DAP3: variants seen among roughly 807,000 people sequenced by gnomAD.
DAP3 encodes death associated protein 3, also known as small ribosomal subunit protein mS29.
DAP3 carries 28 observed loss-of-function variants against 51.9 expected under a neutral mutation model. The ratio of observed to expected loss-of-function variants is 0.54; its 90% CI spans 0.40 to 0.74. The LOEUF (loss-of-function observed/expected upper bound fraction) is 0.74, where lower values mean the gene tolerates loss of function less well. Ranked by LOEUF, DAP3 falls within the 30% of genes least tolerant of loss-of-function variation. DAP3 has a pLI of 0.00. For synonymous variants in DAP3, 170 were observed against 170.3 expected (o/e 1.00, Z 0.01); for missense variants, 458 against 483.5 (o/e 0.95, Z 0.49).
chr1:155,730,608 T>G (rs1436611828), intron 9 of DAP3, among the ~76,000 whole-genome samples: 4 of 151,560 alleles, frequency 2.6e-5, no homozygotes, highest in Admixed American at 6.6e-5. Context: ...AGAATGAGAC[T>G]CTGTCTCAAA....
chr1:155,722,196 A>C (rs1201594202), intron 4 of DAP3, among the ~76,000 whole-genome samples: 1 of 152,182 alleles, frequency 6.6e-6, no homozygotes, highest in Non-Finnish European at 1.5e-5. Context: ...ACTTGGGCCC[A>C]GGAGTTCGAG....
rs781718890 is a variant in DAP3 at position 155,731,335 on chromosome 1, C to T, written c.844-21C>T. The T allele has an allele frequency of 1.1e-5, 18 of 1,612,450 alleles. No individual in the cohort carries two copies. In the Admixed American group the frequency reaches 2.2e-4, roughly 19 times the overall value. On this transcript the variant is annotated intron_variant, in intron 9 of 12. Transcript: ENST00000368336. ...GGAAAGGCACGTGATGATCTCTTCT[C>T]TCTTTCTGTCCGATATGCAGATTGC...
At chr1:155,730,392 C>A (rs1659117132) in intron 9 of DAP3, among the ~76,000 whole-genome samples, 1 of 151,770 alleles carries the variant, frequency 6.6e-6, no homozygotes, top group Admixed American at 6.6e-5. Flanking sequence ...TTGCTTGAGT[C>A]CAGGAGTTTG....
At chr1:155,705,624 A>G (rs1655874956) in intron 1 of DAP3, among the ~76,000 whole-genome samples, 1 of 151,324 alleles carries the variant, frequency 6.6e-6, no homozygotes, top group South Asian at 2.1e-4. Context: ...GAAAGAAAAA[A>G]AAAACAGAAA....
Position 155,694,463 on chromosome 1 carries a change from G to C in DAP3, c.-8+5289G>C, listed in dbSNP as rs1052688182. ...CACCATGGTAATTACCGCAATCATA[G>C]CTACCATCAGGTTACTCGAGGTTAG... On this transcript the variant is annotated intron_variant, in intron 1 of 12. Coordinates refer to ENST00000368336, the MANE Select transcript of DAP3 (RefSeq NM_004632.4). 7.1e-5 allele frequency among the ~76,000 whole-genome samples: 10 copies of C among 141,670 alleles called. 2 individuals are homozygous for C. The highest frequency in any genetic ancestry group is 3.2e-4 in the African/African-American group (10 of 31,174). 92.9% of individuals were successfully genotyped at this position (141,670 alleles called of 152,430 possible). A position where few individuals can be genotyped will look rare whatever the true frequency, so the allele number is the denominator to read the frequency against.
At chr1:155,722,856 T>C (rs984494566) in intron 4 of DAP3, among the ~76,000 whole-genome samples, 2 of 152,194 alleles carry the variant, frequency 1.3e-5, no homozygotes, top group Non-Finnish European at 2.9e-5. Flanking sequence ...AGTGGCACTT[T>C]AAACTGTTCC....
chr1:155,688,566 C>G (rs529365618), upstream of DAP3: 17 of 1,538,128 alleles, frequency 1.1e-5, no homozygotes, highest in Admixed American at 1.6e-4. Flanking sequence ...CCAGCCATCC[C>G]GTACGCGCTC....
At chr1:155,701,619 A>G (rs1364588657) in intron 1 of DAP3, among the ~76,000 whole-genome samples, 3 of 131,370 alleles carry the variant, frequency 2.3e-5, no homozygotes, top group Non-Finnish European at 3.2e-5. Context: ...TCCCTCCACT[A>G]TTGTCCCATG....
intron 2 of DAP3, chr1:155,710,262 C>T (rs1237802379): frequency 6.6e-6 from 1 of 152,058 alleles, no homozygotes; most frequent in Non-Finnish European, 1.4e-5. Flanking sequence ...CAGAGTCTCG[C>T]TCTGTTGCCC....
intron 1 of DAP3, among the ~76,000 whole-genome samples, chr1:155,704,853 C>T (rs1227451997): frequency 1.3e-5 from 2 of 152,226 alleles, no homozygotes; most frequent in East Asian, 3.9e-4. Flanking sequence ...GTGGCGGGCG[C>T]CTGTAGTCCC....
upstream of DAP3, chr1:155,688,645 G>T (rs756380288): frequency 6.0e-5 from 92 of 1,534,048 alleles, no homozygotes; most frequent in Non-Finnish European, 7.6e-5. Flanking sequence ...TCCAGCGCAG[G>T]CCCTCACGCG....
rs1659867980 is a variant in DAP3, at chr1:155,736,953, T to C, written c.1001T>C (p.Phe334Ser). ...LPQELLGKEG[F>S]DALDPFIPIL... ...ATCCTTTTTCTTCCCCAGGAAGGAT[T>C]TGATGCCCTGGATCCCTTTATTCCC... The change falls in exon 12 of 13, where the codon TTT becomes TCT. Residue 334 changes from phenylalanine (F) to serine (S), a missense_variant. Phe to Ser is a radical substitution (Grantham distance 155). Transcript: ENST00000368336. 5.6e-6 allele frequency: 9 copies of C among 1,613,106 alleles called. No homozygotes were observed. Among genetic ancestry groups the C allele is most frequent in the Non-Finnish European group, 7.6e-6 (9 of 1,179,056 alleles).
chr1:155,725,791 G>C, intron 5 of DAP3, 136 bp from the exon 6 acceptor site: 6 of 734,816 alleles, frequency 8.2e-6, no homozygotes, highest in Non-Finnish European at 1.3e-5. Context: ...TTGAACCCGG[G>C]AAGCGGAGGT....
intron 2 of DAP3, among the ~76,000 whole-genome samples, chr1:155,714,483 G>A (rs968784875): frequency 1.3e-5 from 2 of 152,156 alleles, no homozygotes; most frequent in African/African-American, 4.8e-5. Flanking sequence ...GTTATGTGTT[G>A]GCTGGGCATA....
intron 2 of DAP3, among the ~76,000 whole-genome samples, chr1:155,713,649 T>TG (rs1656982167): frequency 6.6e-6 from 1 of 152,158 alleles, no homozygotes; most frequent in African/African-American, 2.4e-5. Context: ...GACAAGCATG[T>TG]GTAAGATAAC....
chr1:155,708,669 G>T (rs1426816364), intron 1 of DAP3, among the ~76,000 whole-genome samples: 1 of 149,980 alleles, frequency 6.7e-6, no homozygotes, highest in Non-Finnish European at 1.5e-5. Context: ...AGAGTAGCTG[G>T]GACTACAGGT....
chr1:155,718,705 A>AAGAAAGATAGATAGATAGATAGAT (rs140806404), intron 3 of DAP3, among the ~76,000 whole-genome samples: 1 of 140,896 alleles, frequency 7.1e-6, no homozygotes, highest in African/African-American at 2.7e-5. Flanking sequence ...AAAAGAAAGA[A>AAGAAAGATAGATAGATAGATAGAT]AGATAGATAG....
chr1:155,725,716 T>C (rs1658501941), intron 5 of DAP3, among the ~76,000 whole-genome samples: 1 of 152,082 alleles, frequency 6.6e-6, no homozygotes, highest in African/African-American at 2.4e-5. Flanking sequence ...TGCAATATAT[T>C]AGCCGGGTGT....
At chr1:155,723,567 G>A (rs945541316) in intron 4 of DAP3, among the ~76,000 whole-genome samples, 3 of 152,066 alleles carry the variant, frequency 2.0e-5, no homozygotes, top group Non-Finnish European at 4.4e-5. Context: ...AACCTCAGGT[G>A]ATCCACCTGT....
Sources: gnomAD v4.1 joint callset for allele counts (sites outside exome capture counted in the v4.1 genomes callset) on GRCh38, gnomAD v4.1.1 for gene constraint, MANE v1.5 for transcripts, NCBI Gene and HGNC (gene_info 2026-07-23, HGNC 2026-07-21) for gene names.